Variants in ANKRD13C observed in about 807,000 individuals in gnomAD.
ANKRD13C encodes ankyrin repeat domain 13C.
ANKRD13C carries 16 observed loss-of-function variants against 65.5 expected under a neutral mutation model. The ratio of observed to expected loss-of-function variants is 0.24; its 90% CI spans 0.17 to 0.37. ANKRD13C has a LOEUF of 0.37. Ranked by LOEUF, ANKRD13C falls within the 10% of genes least tolerant of loss-of-function variation. ANKRD13C has a pLI of 1.00. For synonymous variants in ANKRD13C, 235 were observed against 238.7 expected (o/e 0.98, Z 0.14); for missense variants, 503 against 655.9 (o/e 0.77, Z 2.55).
At chr1:70,323,349 A>G (rs1033861932) in intron 3 of ANKRD13C, among the ~76,000 whole-genome samples, 18 of 152,132 alleles carry the variant, frequency 1.2e-4, no homozygotes, top group African/African-American at 4.3e-4. Flanking sequence ...CTTCACCATT[A>G]AAAGTTGTTT....
chr1:70,290,465 C>T (rs1679813982), intron 9 of ANKRD13C, among the ~76,000 whole-genome samples: 2 of 152,062 alleles, frequency 1.3e-5, no homozygotes, highest in Non-Finnish European at 2.9e-5. Context: ...TTATACAACA[C>T]ACACAATCTT....
chr1:70,340,979 C>T (rs542363980), intron 1 of ANKRD13C, among the ~76,000 whole-genome samples: 5 of 152,090 alleles, frequency 3.3e-5, no homozygotes, highest in East Asian at 3.9e-4. Flanking sequence ...GGTGTGGTGG[C>T]GCACGCCTGT....
chr1:70,305,325 T>G (rs889540483), intron 6 of ANKRD13C, among the ~76,000 whole-genome samples: 6 of 152,186 alleles, frequency 3.9e-5, no homozygotes, highest in African/African-American at 1.4e-4. Flanking sequence ...TCAGAAGTCC[T>G]GGTTCAGCCA....
At chr1:70,300,456 C>T (rs1254821368) in intron 7 of ANKRD13C, among the ~76,000 whole-genome samples, 1 of 151,912 alleles carries the variant, frequency 6.6e-6, no homozygotes, top group Non-Finnish European at 1.5e-5. Context: ...GGCTTGGTGG[C>T]GGGCGCCTGT....
At chr1:70,293,624 C>T in intron 8 of ANKRD13C, 1 of 897,910 alleles carries the variant, frequency 1.1e-6, no homozygotes, top group Non-Finnish European at 1.3e-6. Flanking sequence ...TCTAATGCTG[C>T]CCAGAAGAAC....
chr1:70,325,239 T>A (rs1458744179), intron 2 of ANKRD13C, among the ~76,000 whole-genome samples: 1 of 152,180 alleles, frequency 6.6e-6, no homozygotes, highest in Non-Finnish European at 1.5e-5. Flanking sequence ...AGTATTTTTT[T>A]AATGTTTTCA....
intron 9 of ANKRD13C, among the ~76,000 whole-genome samples, chr1:70,289,711 C>T (rs538047732): frequency 2.6e-5 from 4 of 151,586 alleles, no homozygotes; most frequent in South Asian, 4.2e-4. Context: ...CTCCTGACCT[C>T]GTGATCCACC....
intron 3 of ANKRD13C, among the ~76,000 whole-genome samples, chr1:70,316,790 G>C (rs1459814334): frequency 6.6e-6 from 1 of 151,986 alleles, no homozygotes; most frequent in African/African-American, 2.4e-5. Context: ...AAAAATATTA[G>C]ACTTGAATGA....
At chr1:70,268,441 C>T (rs551731567) in intron 12 of ANKRD13C, among the ~76,000 whole-genome samples, 5 of 152,244 alleles carry the variant, frequency 3.3e-5, no homozygotes, top group South Asian at 4.1e-4. Flanking sequence ...GGATTACAGG[C>T]GTCAGCCACT....
Position 70,353,968 on chromosome 1 carries a change from G to C in ANKRD13C, c.430+11C>G, listed in dbSNP as rs758018107. ...GAAGGAGAGAGGTGGAGAGGGGCTA[G>C]CACTCCTCACCGTGATTATCTTTCT... On this transcript the variant is annotated intron_variant, in intron 1 of 12. Coordinates refer to ENST00000370944, the MANE Select transcript of ANKRD13C (RefSeq NM_030816.5). The C allele has an allele frequency of 1.5e-5, 23 of 1,519,406 alleles. No homozygotes were observed. Among genetic ancestry groups the C allele is most frequent in the Middle Eastern group, 1.8e-4 (1 of 5,638 alleles). The allele number at this position is 1,519,406 out of a possible 1,614,324, so 94.1% of individuals were successfully genotyped here. A position where few individuals can be genotyped will look rare whatever the true frequency, so the allele number is the denominator to read the frequency against.
chr1:70,343,493 G>A (rs1378733769), intron 1 of ANKRD13C, among the ~76,000 whole-genome samples: 1 of 152,044 alleles, frequency 6.6e-6, no homozygotes, highest in South Asian at 2.1e-4. Context: ...AAACTAAATC[G>A]AATTGTTTTG....
chr1:70,354,580 C>G lies in ANKRD13C; in HGVS notation c.-172G>C. The G allele has an allele frequency of 7.1e-7, 1 of 1,409,050 alleles. No homozygotes were observed. Among genetic ancestry groups the G allele is most frequent in the Non-Finnish European group, 9.3e-7 (1 of 1,076,806 alleles). The allele number at this position is 1,409,050 out of a possible 1,614,324, so 87.3% of individuals were successfully genotyped here. ...CGCATCTCCCGGGGAAGAGCCGGCTCTCGCCTAGGCACGAAGGGACGCGCG... is the reference window on the plus strand; with the variant it reads ...CGCATCTCCCGGGGAAGAGCCGGCTGTCGCCTAGGCACGAAGGGACGCGCG... On this transcript the variant is annotated 5_prime_UTR_variant, in exon 1 of 13. Coordinates refer to ENST00000370944, the MANE Select transcript of ANKRD13C (RefSeq NM_030816.5).
At chr1:70,310,641 A>G (rs1182334722) in intron 5 of ANKRD13C, among the ~76,000 whole-genome samples, 1 of 152,234 alleles carries the variant, frequency 6.6e-6, no homozygotes, top group East Asian at 1.9e-4. Flanking sequence ...ATATTTTAGT[A>G]TAATTAAAAT....
chr1:70,343,366 G>A (rs1049696926), intron 1 of ANKRD13C, among the ~76,000 whole-genome samples: 9 of 152,082 alleles, frequency 5.9e-5, no homozygotes, highest in African/African-American at 2.2e-4. Flanking sequence ...TCCTCAACCT[G>A]CTGCTTAAGC....
At chr1:70,318,586 C>A (rs559280147) in intron 3 of ANKRD13C, among the ~76,000 whole-genome samples, 1 of 152,146 alleles carries the variant, frequency 6.6e-6, no homozygotes, top group South Asian at 2.1e-4. Flanking sequence ...AATGAAATCA[C>A]CATCAATCCA....
chr1:70,353,419 C>T (rs1008638399), intron 1 of ANKRD13C, among the ~76,000 whole-genome samples: 3 of 152,150 alleles, frequency 2.0e-5, no homozygotes, highest in Non-Finnish European at 4.4e-5. Flanking sequence ...TTTAACTGTT[C>T]TACGTATCAA....
chr1:70,275,825 G>A (rs1410172035), intron 10 of ANKRD13C, among the ~76,000 whole-genome samples: 3 of 151,876 alleles, frequency 2.0e-5, no homozygotes, highest in Admixed American at 6.6e-5. Context: ...GCTGGGCATG[G>A]TGGAGCGCAC....
chr1:70,270,998 T>C (rs1305405787), intron 11 of ANKRD13C, 42 bp from the exon 12 acceptor site: 14 of 1,289,778 alleles, frequency 1.1e-5, no homozygotes, highest in Non-Finnish European at 1.6e-5. Context: ...ATTGTTCAAA[T>C]TGCCTTGTGT....
intron 2 of ANKRD13C, among the ~76,000 whole-genome samples, chr1:70,334,270 G>A (rs1044391646): frequency 1.3e-5 from 2 of 152,082 alleles, no homozygotes; most frequent in African/African-American, 4.8e-5. Context: ...AAGCCGCAGT[G>A]AGCTAGGATC....
Sources: allele counts gnomAD v4.1 joint callset (sites outside exome capture counted in the v4.1 genomes callset), GRCh38; gene constraint gnomAD v4.1.1; transcripts MANE v1.5; gene names NCBI Gene and HGNC (gene_info 2026-07-23, HGNC 2026-07-21).